DPP10: variants seen among roughly 807,000 people sequenced by gnomAD.
The protein encoded by DPP10 is inactive dipeptidyl peptidase 10.
DPP10 carries 33 observed loss-of-function variants against 120.9 expected under a neutral mutation model. The ratio of observed to expected loss-of-function variants is 0.27; its 90% CI spans 0.21 to 0.37. The LOEUF is 0.37. Among genes scored for constraint, DPP10 ranks in the 10% least tolerant of loss-of-function variants. The probability of loss-of-function intolerance (pLI) is 1.00; values close to 1 mark genes in which losing one functional copy is unlikely to be tolerated. For missense variants in DPP10, 816 were observed against 942.8 expected (o/e 0.87, Z 1.76); for synonymous variants, 337 against 326.1 (o/e 1.03, Z -0.36).
chr2:114,890,433 G>A (rs1407043063), intron 1 of DPP10, among the ~76,000 whole-genome samples: 1 of 152,038 alleles, frequency 6.6e-6, no homozygotes, highest in African/African-American at 2.4e-5. Context: ...AATAAGCAAA[G>A]GTCAAGATCA....
chr2:114,652,865 C>T (rs781780192), intron 1 of DPP10, among the ~76,000 whole-genome samples: 7 of 151,842 alleles, frequency 4.6e-5, no homozygotes, highest in Non-Finnish European at 1.0e-4. Context: ...GTAAAACCAT[C>T]GTGCCCAGAC....
chr2:115,373,034 C>T (rs1052735879), intron 3 of DPP10, among the ~76,000 whole-genome samples: 17 of 152,064 alleles, frequency 1.1e-4, no homozygotes, highest in South Asian at 4.1e-4. Flanking sequence ...TGTAGAGCTA[C>T]GGTAAGAATA....
chr2:114,574,431 C>G (rs1291242171), intron 1 of DPP10, among the ~76,000 whole-genome samples: 1 of 152,180 alleles, frequency 6.6e-6, no homozygotes, highest in Non-Finnish European at 1.5e-5. Context: ...AAGCTAATGG[C>G]TGACTTGATG....
chr2:115,162,240 A>G, intron 1 of DPP10: 2 of 1,561,994 alleles, frequency 1.3e-6, no homozygotes, highest in South Asian at 2.3e-5. Flanking sequence ...GAGGATGCGC[A>G]AGGTGGAGAG....
At chr2:115,140,012 G>A (rs1401242577) in intron 1 of DPP10, among the ~76,000 whole-genome samples, 2 of 152,108 alleles carry the variant, frequency 1.3e-5, no homozygotes, top group Non-Finnish European at 2.9e-5. Flanking sequence ...TGGGTACTTA[G>A]GGCATGAACG....
intron 5 of DPP10, among the ~76,000 whole-genome samples, chr2:115,658,649 T>A (rs1239583318): frequency 6.6e-6 from 1 of 152,118 alleles, no homozygotes; most frequent in Non-Finnish European, 1.5e-5. Context: ...ATCTATTAGA[T>A]CTATGAGAAC....
At chr2:115,681,463 A>C (rs549970905) in intron 5 of DPP10, among the ~76,000 whole-genome samples, 2 of 151,946 alleles carry the variant, frequency 1.3e-5, no homozygotes, top group African/African-American at 2.4e-5. Flanking sequence ...AGGATTTTCT[A>C]TCTCTGCTTG....
At chr2:114,814,624 GCTCTCGAGGGTC>G (rs151155786) in intron 1 of DPP10, among the ~76,000 whole-genome samples, 1,741 of 152,118 alleles carry the variant, frequency 0.011, 34 homozygotes, top group African/African-American at 0.04. Flanking sequence ...AGATATGGTG[GCTCTCGAGGGTC>G]CTCATGCAGT....
intron 1 of DPP10, among the ~76,000 whole-genome samples, chr2:115,284,718 T>C (rs1439509962): frequency 6.6e-6 from 1 of 151,978 alleles, no homozygotes; most frequent in Non-Finnish European, 1.5e-5. Context: ...ATGTGGGTTA[T>C]ACACCTATGT....
intron 1 of DPP10, among the ~76,000 whole-genome samples, chr2:114,600,531 C>A (rs1436952102): frequency 6.6e-6 from 1 of 151,610 alleles, no homozygotes; most frequent in East Asian, 1.9e-4. Context: ...GGCTTGTTTC[C>A]AATGGCAATT....
intron 5 of DPP10, among the ~76,000 whole-genome samples, chr2:115,527,285 A>C (rs1240198447): frequency 1.3e-5 from 2 of 152,094 alleles, no homozygotes; most frequent in East Asian, 3.9e-4. Context: ...CAGTCTTTTC[A>C]ACAACTAGTG....
chr2:115,057,236 C>T (rs1705996518), intron 1 of DPP10, among the ~76,000 whole-genome samples: 1 of 152,146 alleles, frequency 6.6e-6, no homozygotes, highest in African/African-American at 2.4e-5. Context: ...CTCTACCTGC[C>T]TTACCCACTC....
intron 3 of DPP10, among the ~76,000 whole-genome samples, chr2:115,485,864 G>A (rs559958112): frequency 7.5e-4 from 114 of 151,986 alleles, no homozygotes; most frequent in Non-Finnish European, 1.4e-3. Context: ...TTTCAGTTAT[G>A]ATATTGCAAT....
intron 1 of DPP10, among the ~76,000 whole-genome samples, chr2:114,954,814 A>G (rs1028326860): frequency 4.6e-5 from 7 of 152,200 alleles, no homozygotes; most frequent in Non-Finnish European, 8.8e-5. Context: ...ACAAATAGCT[A>G]TGAGAGACTA....
At chr2:115,487,339 A>G (rs1191737766) in intron 3 of DPP10, among the ~76,000 whole-genome samples, 4 of 113,290 alleles carry the variant, frequency 3.5e-5, no homozygotes, top group Non-Finnish European at 7.1e-5. Context: ...ATCCCCATCA[A>G]GCTACCAATG....
intron 1 of DPP10, among the ~76,000 whole-genome samples, chr2:114,601,355 C>G (rs1460530748): frequency 6.6e-6 from 1 of 151,912 alleles, no homozygotes; most frequent in African/African-American, 2.4e-5. Context: ...TTTCTTACAT[C>G]TATTTCTTAT....
At chr2:114,974,127 G>A (rs1699586516) in intron 1 of DPP10, among the ~76,000 whole-genome samples, 1 of 152,168 alleles carries the variant, frequency 6.6e-6, no homozygotes, top group Non-Finnish European at 1.5e-5. Context: ...AAGCCTAGGT[G>A]TGCAGTGTTT....
chr2:115,640,481 G>A (rs994691613), intron 5 of DPP10, among the ~76,000 whole-genome samples: 2 of 150,870 alleles, frequency 1.3e-5, no homozygotes, highest in African/African-American at 4.9e-5. Context: ...AAAAAAAAAC[G>A]ACATCTTGAT....
intron 1 of DPP10, among the ~76,000 whole-genome samples, chr2:115,055,725 T>C (rs550263711): frequency 6.6e-6 from 1 of 152,248 alleles, no homozygotes; most frequent in South Asian, 2.1e-4. Context: ...TGCCACCCAG[T>C]TCTAGAATGA....
Sources: allele counts gnomAD v4.1 joint callset (sites outside exome capture counted in the v4.1 genomes callset), GRCh38; gene constraint gnomAD v4.1.1; transcripts MANE v1.5; gene names NCBI Gene and HGNC (gene_info 2026-07-23, HGNC 2026-07-21).